The following FYN variants were observed in gnomAD, a reference collection of about 807,000 sequenced individuals.
The protein encoded by FYN is FYN proto-oncogene, Src family tyrosine kinase.
A neutral mutation model predicts 70.2 loss-of-function variants in FYN; 10 were observed. That is an observed-to-expected ratio of 0.14 (90% CI 0.09 to 0.24). The LOEUF is 0.24. Among genes scored for constraint, FYN ranks in the 10% least tolerant of loss-of-function variants. FYN has a pLI of 1.00. For synonymous variants in FYN, 236 were observed against 248.6 expected, an observed-to-expected ratio of 0.95 and a Z score of 0.48; for missense variants, 319 against 673.1, an observed-to-expected ratio of 0.47 and a Z score of 5.82.
chr6:111,689,915 T>C (rs1799233470), intron 12 of FYN, among the ~76,000 whole-genome samples: 1 of 152,210 alleles, frequency 6.6e-6, no homozygotes, highest in African/African-American at 2.4e-5. Context: ...TTTTACTGTA[T>C]GTGTGTTATA....
rs148974097 is a variant in FYN at position 111,708,153 on chromosome 6, C to G, written c.345-133G>C. 8.3e-4 allele frequency: 561 copies of G among 678,468 alleles called. 4 individuals carry two copies. In the African/African-American group the frequency reaches 8.7e-3, roughly 11 times the overall value. 42.0% of individuals were successfully genotyped at this position (678,468 alleles called of 1,614,324 possible). ...GATTTCTCCAACCTATTCCTTTACT[C>G]TGAACTCCAACATAGTCCCCCTGTG... On this transcript the variant is annotated intron_variant, in intron 5 of 13. Coordinates refer to ENST00000354650, the MANE Select transcript of FYN (RefSeq NM_002037.5).
At chr6:111,714,813 G>A (rs994194629) in intron 4 of FYN, among the ~76,000 whole-genome samples, 1 of 152,154 alleles carries the variant, frequency 6.6e-6, no homozygotes, top group Non-Finnish European at 1.5e-5. Flanking sequence ...TTTGCTGGTC[G>A]TATCTTCTCC....
At chr6:111,783,261 T>C (rs1281434170) in intron 2 of FYN, among the ~76,000 whole-genome samples, 2 of 152,226 alleles carry the variant, frequency 1.3e-5, no homozygotes, top group African/African-American at 2.4e-5. Flanking sequence ...AAATTCACCA[T>C]TGGCAGCATT....
chr6:111,816,029 T>A (rs1452907547), intron 2 of FYN, among the ~76,000 whole-genome samples: 1 of 152,226 alleles, frequency 6.6e-6, no homozygotes, highest in East Asian at 1.9e-4. Context: ...CTGCTGAATT[T>A]CACTTGTGGC....
At chr6:111,861,293 G>C (rs1397015475) in intron 1 of FYN, among the ~76,000 whole-genome samples, 1 of 152,136 alleles carries the variant, frequency 6.6e-6, no homozygotes, top group African/African-American at 2.4e-5. Flanking sequence ...CAATATTGAC[G>C]CTGATGTGTA....
intron 2 of FYN, among the ~76,000 whole-genome samples, chr6:111,787,593 T>C (rs1354386565): frequency 6.6e-6 from 1 of 152,240 alleles, no homozygotes; most frequent in Non-Finnish European, 1.5e-5. Flanking sequence ...GGTCTTTCAG[T>C]ACAACCTTGT....
chr6:111,744,770 T>A (rs1473224631), intron 3 of FYN, among the ~76,000 whole-genome samples: 1 of 152,162 alleles, frequency 6.6e-6, no homozygotes, highest in African/African-American at 2.4e-5. Context: ...TATGCAAAGG[T>A]ATTTAGAAAA....
In FYN at chr6:111,703,898, G is replaced by A. The variant is rs2128446556; in HGVS notation, c.547+101C>T. The stretch of plus-strand genomic sequence containing the variant: ...CACTCACAAGGCAGGGAGGGTATGT[G>A]CCATTTTAAAATCCTTGTACATTAG... On this transcript the variant is annotated intron_variant, in intron 7 of 13. Transcript: ENST00000354650. 3.4e-6 allele frequency: 3 copies of A among 888,592 alleles called. No individual in the cohort carries two copies. The Admixed American group carries it at 6.1e-5, about 18-fold the overall frequency. The allele number at this position is 888,592 out of a possible 1,614,324, so 55.0% of individuals were successfully genotyped here. A position where few individuals can be genotyped will look rare whatever the true frequency, so the allele number is the denominator to read the frequency against.
intron 3 of FYN, among the ~76,000 whole-genome samples, chr6:111,770,195 G>T (rs1482522962): frequency 6.6e-6 from 1 of 152,116 alleles, no homozygotes; most frequent in Non-Finnish European, 1.5e-5. Flanking sequence ...AAGTTTCAAA[G>T]ACTTAGTACA....
At chr6:111,698,072 G>C (rs1242481871) in intron 9 of FYN, among the ~76,000 whole-genome samples, 1 of 152,120 alleles carries the variant, frequency 6.6e-6, no homozygotes, top group Non-Finnish European at 1.5e-5. Context: ...ATACATCTTT[G>C]TAGTACTTAT....
At chr6:111,855,074 T>A (rs1195856245) in intron 1 of FYN, among the ~76,000 whole-genome samples, 2 of 152,224 alleles carry the variant, frequency 1.3e-5, no homozygotes, top group African/African-American at 4.8e-5. Flanking sequence ...AGTGAAACGA[T>A]GACTTTAATG....
At chr6:111,765,599 T>C (rs1803199243) in intron 3 of FYN, among the ~76,000 whole-genome samples, 1 of 152,218 alleles carries the variant, frequency 6.6e-6, no homozygotes, top group African/African-American at 2.4e-5. Flanking sequence ...TTCTCTGGCG[T>C]GTGTTATCTA....
At chr6:111,793,905 G>C (rs1328222165) in intron 2 of FYN, 2 of 151,844 alleles carry the variant, frequency 1.3e-5, no homozygotes, top group Non-Finnish European at 2.9e-5. Context: ...TGGGAGGGGA[G>C]GAGATCTACG....
intron 12 of FYN, among the ~76,000 whole-genome samples, chr6:111,688,816 C>T (rs804192): frequency 0.27 from 40,420 of 152,004 alleles, 5,592 homozygotes; most frequent in African/African-American, 0.34. Flanking sequence ...AATAGGCAAG[C>T]TGGCCGGAGA....
chr6:111,800,538 G>T (rs573243283), intron 2 of FYN, among the ~76,000 whole-genome samples: 2 of 152,182 alleles, frequency 1.3e-5, no homozygotes, highest in Non-Finnish European at 2.9e-5. Context: ...AATTTACTAT[G>T]ATCTAAAACG....
chr6:111,717,365 A>G (rs1755069015), intron 4 of FYN, among the ~76,000 whole-genome samples: 1 of 151,960 alleles, frequency 6.6e-6, no homozygotes, highest in African/African-American at 2.4e-5. Context: ...ACAGCAGTTG[A>G]TAACTAATAG....
intron 6 of FYN, among the ~76,000 whole-genome samples, chr6:111,704,629 C>T (rs2128447281): frequency 6.6e-6 from 1 of 152,200 alleles, no homozygotes; most frequent in East Asian, 1.9e-4. Context: ...TGGTGGGCAC[C>T]TGTAATCCCA....
chr6:111,673,249 A>G (rs150232426), intron 13 of FYN, among the ~76,000 whole-genome samples: 434 of 152,188 alleles, frequency 2.9e-3, no homozygotes, highest in African/African-American at 9.6e-3. Flanking sequence ...CTGGTTGGCG[A>G]TTCCCGGAGT....
At chr6:111,703,594 T>C (rs577365361) in intron 7 of FYN, among the ~76,000 whole-genome samples, 2 of 152,240 alleles carry the variant, frequency 1.3e-5, no homozygotes, top group Non-Finnish European at 2.9e-5. Context: ...TGTTAAATAA[T>C]GAAAAGTCCA....
Sources: gnomAD v4.1 joint callset for allele counts (sites outside exome capture counted in the v4.1 genomes callset) on GRCh38, gnomAD v4.1.1 for gene constraint, MANE v1.5 for transcripts, NCBI Gene and HGNC (gene_info 2026-07-23, HGNC 2026-07-21) for gene names.